Variants in PCDH15 observed in about 807,000 individuals in gnomAD.
PCDH15 encodes the protein protocadherin-15.
In PCDH15, 129 loss-of-function variants were observed where a neutral mutation model predicts 178.5. The ratio of observed to expected loss-of-function variants is 0.72; its 90% CI spans 0.63 to 0.84. The LOEUF (loss-of-function observed/expected upper bound fraction) is 0.84. Ranked by LOEUF, PCDH15 falls within the 40% of genes least tolerant of loss-of-function variation. The pLI is 0.00. For missense variants in PCDH15, 2,230 were observed against 2,099.9 expected (o/e 1.06, Z -1.21); for synonymous variants, 800 against 732.0 (o/e 1.09, Z -1.50).
At chr10:54,282,600 T>A (rs1295721218) in intron 8 of PCDH15, among the ~76,000 whole-genome samples, 1 of 152,072 alleles carries the variant, frequency 6.6e-6, no homozygotes, top group African/African-American at 2.4e-5. Context: ...GTCTTTTTTT[T>A]TAATGTTGTA....
At chr10:54,841,084 C>T (rs750512076) in intron 3 of PCDH15, among the ~76,000 whole-genome samples, 1 of 151,764 alleles carries the variant, frequency 6.6e-6, no homozygotes, top group Non-Finnish European at 1.5e-5. Context: ...CACACATGCA[C>T]AGAACATTCC....
chr10:53,924,439 C>T (rs1043519990), intron 25 of PCDH15, among the ~76,000 whole-genome samples: 3 of 152,176 alleles, frequency 2.0e-5, no homozygotes, highest in Non-Finnish European at 4.4e-5. Context: ...TTGGGACCTG[C>T]AGCCCGCCAT....
At chr10:54,336,303 G>C (rs911542607) in intron 6 of PCDH15, among the ~76,000 whole-genome samples, 1 of 152,182 alleles carries the variant, frequency 6.6e-6, no homozygotes, top group African/African-American at 2.4e-5. Flanking sequence ...ATTTGCATAA[G>C]TAATGAGGAA....
chr10:54,955,004 C>A (rs562161795), intron 2 of PCDH15, among the ~76,000 whole-genome samples: 1 of 151,174 alleles, frequency 6.6e-6, no homozygotes, highest in African/African-American at 2.4e-5. Context: ...AAAAACCATA[C>A]AAATTCTTGG....
intron 2 of PCDH15, among the ~76,000 whole-genome samples, chr10:54,556,827 T>G (rs141035092): frequency 0.031 from 4,642 of 152,154 alleles, 101 homozygotes; most frequent in Non-Finnish European, 0.05. Context: ...TTTGTTGTAT[T>G]ATAAGCATAA....
chr10:54,935,335 G>A (rs1281351194), intron 2 of PCDH15, among the ~76,000 whole-genome samples: 1 of 152,158 alleles, frequency 6.6e-6, no homozygotes, highest in Admixed American at 6.6e-5. Flanking sequence ...ACTTTTGAGA[G>A]CTAACTGAAT....
chr10:54,874,058 G>T, intron 3 of PCDH15, among the ~76,000 whole-genome samples: 1 of 87,914 alleles, frequency 1.1e-5, no homozygotes, highest in Non-Finnish European at 2.2e-5. Context: ...TGCCATACTG[G>T]TGCGCTGCAC....
At chr10:54,724,909 GATA>G (rs1566047066) in intron 1 of PCDH15, among the ~76,000 whole-genome samples, 4 of 38,254 alleles carry the variant, frequency 1.0e-4, no homozygotes, top group Non-Finnish European at 3.0e-4. Context: ...TATATATATA[GATA>G]TAGATATAGA....
At chr10:53,976,310 G>A (rs182957798) in intron 21 of PCDH15, among the ~76,000 whole-genome samples, 33 of 151,806 alleles carry the variant, frequency 2.2e-4, no homozygotes, top group Non-Finnish European at 3.8e-4. Context: ...CATTTAACAC[G>A]TTCACTAAAT....
intron 1 of PCDH15, among the ~76,000 whole-genome samples, chr10:55,312,536 T>C (rs940762727): frequency 1.3e-5 from 2 of 152,096 alleles, no homozygotes; most frequent in South Asian, 4.1e-4. Context: ...AAAATGTGAG[T>C]TTCCCATGAT....
intron 2 of PCDH15, among the ~76,000 whole-genome samples, chr10:55,073,511 G>A (rs1841804121): frequency 1.3e-5 from 2 of 152,230 alleles, no homozygotes; most frequent in South Asian, 4.1e-4. Context: ...TTGCTTCAAA[G>A]AGAATAAAAT....
rs555555424 is a variant in PCDH15, at chr10:54,680,056, A to G, written c.-28-15766T>C. Among the ~76,000 whole-genome samples the G allele has an allele frequency of 1.2e-4, 18 of 152,350 alleles. No individual in the cohort carries two copies. In the East Asian group the frequency reaches 3.5e-3, roughly 29 times the overall value. ...GCATTTATTATTTAACTTTGATTAAATCTATTAGCTTCTTTACAGATTTTG... is the reference window on the plus strand; with the variant it reads ...GCATTTATTATTTAACTTTGATTAAGTCTATTAGCTTCTTTACAGATTTTG... On this transcript the variant is annotated intron_variant, in intron 1 of 37. Coordinates refer to ENST00000644397, the MANE Select transcript of PCDH15 (RefSeq NM_001384140.1).
intron 9 of PCDH15, among the ~76,000 whole-genome samples, chr10:54,224,816 A>C (rs939846389): frequency 6.6e-6 from 1 of 152,046 alleles, no homozygotes; most frequent in African/African-American, 2.4e-5. Context: ...ATTCTTTGAT[A>C]ATTCTAAATG....
At chr10:54,492,517 T>G (rs1409650863) in intron 3 of PCDH15, among the ~76,000 whole-genome samples, 3 of 152,218 alleles carry the variant, frequency 2.0e-5, no homozygotes, top group Non-Finnish European at 1.5e-5. Context: ...AGTGCTTGCT[T>G]TCCATGGTTT....
At position 55,364,272 on chromosome 10, in the gene PCDH15, A is replaced by C. The variant is rs111601930; in HGVS notation, c.-155-197621T>G. ...TTTCCTTTATAAATTACCCAGTCTC[A>C]GGCAGTTCTTCATAGCAGTAAGCAA... On this transcript the variant is annotated intron_variant, in intron 2 of 5. Coordinates refer to the PCDH15 transcript ENST00000613346. Among the ~76,000 whole-genome samples, 215 of 152,260 alleles carry C rather than the reference A, an allele frequency of 1.4e-3. 1 individual carries two copies. Among genetic ancestry groups the C allele is most frequent in the African/African-American group, 4.4e-3 (184 of 41,556 alleles).
At chr10:55,121,109 C>T (rs770491385) in intron 2 of PCDH15, among the ~76,000 whole-genome samples, 34 of 152,126 alleles carry the variant, frequency 2.2e-4, no homozygotes, top group Middle Eastern at 3.4e-3. Flanking sequence ...TAGGCTGCAC[C>T]GAACTCATGG....
intron 15 of PCDH15, among the ~76,000 whole-genome samples, chr10:54,105,316 A>G: frequency 1.3e-5 from 1 of 74,788 alleles, no homozygotes; most frequent in Non-Finnish European, 2.6e-5. Context: ...ATATATATAT[A>G]TACACACACA....
intron 2 of PCDH15, among the ~76,000 whole-genome samples, chr10:54,529,106 T>C (rs12772008): frequency 0.2 from 29,682 of 151,804 alleles, 3,175 homozygotes; most frequent in East Asian, 0.32. Context: ...TGCCATTTAT[T>C]ATGTACATAT....
At chr10:55,037,617 A>G (rs1564738100) in intron 2 of PCDH15, among the ~76,000 whole-genome samples, 1 of 152,284 alleles carries the variant, frequency 6.6e-6, no homozygotes, top group Non-Finnish European at 1.5e-5. Context: ...GACATCATGG[A>G]TCTGAAATTA....
Sources: allele counts gnomAD v4.1 joint callset (sites outside exome capture counted in the v4.1 genomes callset), GRCh38; gene constraint gnomAD v4.1.1; transcripts MANE v1.5; gene names NCBI Gene and HGNC (gene_info 2026-07-23, HGNC 2026-07-21).